The following CIMAP1D variants were observed in gnomAD, a reference collection of about 807,000 sequenced individuals.
CIMAP1D encodes the protein protein CIMAP1D.
At chr19:482,824 T>C in the CIMAP1D span, among the ~76,000 whole-genome samples, 1 of 152,134 alleles carries the variant, frequency 6.6e-6, no homozygotes, top group South Asian at 2.1e-4. Context: ...TCACCCACCC[T>C]GGCCGCCATC....
At chr19:465,877 TGGGTGGATGGGC>T in the CIMAP1D span, among the ~76,000 whole-genome samples, 63 of 26,516 alleles carry the variant, frequency 2.4e-3, 1 homozygote, top group Middle Eastern at 0.024. Flanking sequence ...GGTGGATGGG[TGGGTGGATGGGC>T]GGGTGGATGG....
At chr19:487,964 C>A in the CIMAP1D span, among the ~76,000 whole-genome samples, 1 of 152,132 alleles carries the variant, frequency 6.6e-6, no homozygotes, top group Non-Finnish European at 1.5e-5. Context: ...AAACCCTTGT[C>A]CTGTTCTGTT....
chr19:480,888 C>A, the CIMAP1D span, among the ~76,000 whole-genome samples: 1 of 83,302 alleles, frequency 1.2e-5, no homozygotes, highest in African/African-American at 7.5e-5. Flanking sequence ...TGATGGAGAA[C>A]GATGATGGAG....
the CIMAP1D span, chr19:464,230 TA>T: frequency 1.3e-6 from 2 of 1,524,004 alleles, no homozygotes; most frequent in African/African-American, 1.4e-5. Flanking sequence ...GTGTAGGCAT[TA>T]GGGGCAGGGG....
the CIMAP1D span, among the ~76,000 whole-genome samples, chr19:485,810 G>A: frequency 6.6e-6 from 1 of 152,204 alleles, no homozygotes; most frequent in Non-Finnish European, 1.5e-5. Context: ...AGGAGAGGGG[G>A]AGGCCAGGTG....
the CIMAP1D span, among the ~76,000 whole-genome samples, chr19:473,146 C>T: frequency 2.6e-5 from 3 of 116,548 alleles, 1 homozygote; most frequent in African/African-American, 6.7e-5. Flanking sequence ...CAGAGATACA[C>T]GGTCACAGAT....
chr19:482,210 ATTC>A, the CIMAP1D span, among the ~76,000 whole-genome samples: 2 of 152,222 alleles, frequency 1.3e-5, no homozygotes, highest in African/African-American at 2.4e-5. Flanking sequence ...GATATTTCAC[ATTC>A]TTCTTTTAAT....
chr19:487,009 C>A, the CIMAP1D span, among the ~76,000 whole-genome samples: 1 of 152,122 alleles, frequency 6.6e-6, no homozygotes, highest in African/African-American at 2.4e-5. Flanking sequence ...ACCTCAGCCT[C>A]CCAAAGTGCT....
the CIMAP1D span, among the ~76,000 whole-genome samples, chr19:488,379 G>A: frequency 3.9e-5 from 6 of 152,188 alleles, no homozygotes; most frequent in African/African-American, 7.2e-5. Context: ...ACAATTAGCC[G>A]GGCGTGGTGG....
the CIMAP1D span, among the ~76,000 whole-genome samples, chr19:478,683 A>G: frequency 6.6e-6 from 1 of 152,280 alleles, no homozygotes; most frequent in African/African-American, 2.4e-5. Context: ...TGCTCGACAG[A>G]AGAGACTAAA....
chr19:485,579 G>T, the CIMAP1D span, among the ~76,000 whole-genome samples: 4 of 152,256 alleles, frequency 2.6e-5, no homozygotes, highest in Non-Finnish European at 5.9e-5. Context: ...GTGGGAATGA[G>T]GCGGCCCTGA....
At chr19:474,007 T>C in the CIMAP1D span, among the ~76,000 whole-genome samples, 8 of 147,456 alleles carry the variant, frequency 5.4e-5, no homozygotes, top group Non-Finnish European at 7.5e-5. Flanking sequence ...CAGGCAGAGA[T>C]ACACGATCAC....
the CIMAP1D span, among the ~76,000 whole-genome samples, chr19:480,527 G>GGAGAAGAAATGT: frequency 0.024 from 2,452 of 100,868 alleles, 663 homozygotes; most frequent in African/African-American, 0.14. Context: ...GAAGGATGAT[G>GGAGAAGAAATGT]GGGAAGGATG....
At chr19:476,944 C>T in the CIMAP1D span, among the ~76,000 whole-genome samples, 4 of 152,210 alleles carry the variant, frequency 2.6e-5, no homozygotes, top group African/African-American at 9.6e-5. Flanking sequence ...CAGCGGCTCA[C>T]ACCTGTAATC....
chr19:475,163 G>A, the CIMAP1D span, among the ~76,000 whole-genome samples: 35 of 152,050 alleles, frequency 2.3e-4, no homozygotes, highest in African/African-American at 4.6e-4. Context: ...GCGTGGCCCC[G>A]TTTCTACACC....
At chr19:477,764 G>A in the CIMAP1D span, among the ~76,000 whole-genome samples, 6 of 152,186 alleles carry the variant, frequency 3.9e-5, no homozygotes, top group Admixed American at 1.3e-4. Flanking sequence ...CCGGGTTCAC[G>A]CCATTCTCCT....
At chr19:479,625 G>A in the CIMAP1D span, among the ~76,000 whole-genome samples, 6 of 152,160 alleles carry the variant, frequency 3.9e-5, no homozygotes, top group Non-Finnish European at 8.8e-5. Context: ...GGCTGGTCTC[G>A]ATCTCCTGAC....
At chr19:465,050 A>AGATGATGGATGGGTGGATT in the CIMAP1D span, among the ~76,000 whole-genome samples, 1 of 130,150 alleles carries the variant, frequency 7.7e-6, no homozygotes, top group Non-Finnish European at 1.6e-5. Context: ...ATGGGTGGAT[A>AGATGATGGATGGGTGGATT]GATGATGGAT....
At chr19:466,943 T>G in the CIMAP1D span, among the ~76,000 whole-genome samples, 1 of 22,784 alleles carries the variant, frequency 4.4e-5, no homozygotes, top group Non-Finnish European at 7.4e-5. Context: ...GGAGGGTGGA[T>G]GGGCGGGTGG....
Sources: gnomAD v4.1 joint callset for allele counts (sites outside exome capture counted in the v4.1 genomes callset) on GRCh38, gnomAD v4.1.1 for gene constraint, MANE v1.5 for transcripts, NCBI Gene and HGNC (gene_info 2026-07-23, HGNC 2026-07-21) for gene names.